PCDHA6: variants seen among roughly 807,000 people sequenced by gnomAD.
The protein encoded by PCDHA6 is protocadherin alpha 6, also known as protocadherin alpha-6.
Under a neutral mutation model 60.3 loss-of-function variants are expected in PCDHA6, and 55 were observed. The observed-to-expected ratio is 0.91, with a 90% CI of 0.73 to 1.14. The LOEUF (loss-of-function observed/expected upper bound fraction) is 1.14. PCDHA6 is among the 50% of genes most tolerant of loss of function. PCDHA6 has a pLI of 0.00. For missense variants in PCDHA6, 1,327 were observed against 1,256.5 expected (o/e 1.06, Z -0.85); for synonymous variants, 652 against 557.9 (o/e 1.17, Z -2.38).
At chr5:141,000,395 CTATATATA>C (rs1190667031) in intron 3 of PCDHA6, among the ~76,000 whole-genome samples, 7 of 53,980 alleles carry the variant, frequency 1.3e-4, no homozygotes, top group South Asian at 8.9e-4. Flanking sequence ...CTCTCTCTCT[CTATATATA>C]TATATATATA....
chr5:140,977,899 C>A (rs1193855952), intron 1 of PCDHA6, among the ~76,000 whole-genome samples: 1 of 152,124 alleles, frequency 6.6e-6, no homozygotes, highest in East Asian at 1.9e-4. Context: ...CAAAATACAA[C>A]TTTTATCCCC....
chr5:140,848,575 G>A lies in PCDHA6; in HGVS notation c.2394+18090G>A, dbSNP rs1554142211. 6 of 1,595,558 alleles carry A rather than the reference G, an allele frequency of 3.8e-6. 1 individual carries two copies. In the East Asian group the frequency reaches 1.3e-4, roughly 36 times the overall value. ...CTGATCCTCGCAATGTGGGTGGTGG[G>A]GAGCGGCCAGCTCCACTACTCCGTC... On this transcript the variant is annotated intron_variant, in intron 1 of 3. Coordinates refer to ENST00000529310, the MANE Select transcript of PCDHA6 (RefSeq NM_018909.4).
rs549880473 is a variant in PCDHA6, at chr5:140,972,926, T to C, written c.2395-6023T>C. Among the ~76,000 whole-genome samples the C allele has an allele frequency of 9.2e-5, 14 of 152,264 alleles. No individual in the cohort carries two copies. The East Asian group carries it at 2.7e-3, about 29-fold the overall frequency. On this transcript the variant is annotated intron_variant, in intron 1 of 3. Coordinates refer to ENST00000529310, the MANE Select transcript of PCDHA6 (RefSeq NM_018909.4). ...ATCCACCCGCCTTGGCCTCCCAAAG[T>C]GCTGGGATTACAGATGTGAGCCACC...
At position 140,892,381 on chromosome 5, in the gene PCDHA6, G is replaced by A. The variant is rs534818455; in HGVS notation, c.2394+61896G>A. Among the ~76,000 whole-genome samples the A allele has an allele frequency of 2.6e-5, 4 of 152,070 alleles. No individual in the cohort carries two copies. The South Asian group carries it at 8.3e-4, about 32-fold the overall frequency. On this transcript the variant is annotated intron_variant, in intron 1 of 3. Coordinates refer to ENST00000529310, the MANE Select transcript of PCDHA6 (RefSeq NM_018909.4). ...GCATCTTGGGGCACTAGCAATCATG[G>A]GTAATCTTAATCTATTTCAAGCTTC...
chr5:140,829,809 C>CTGG lies in PCDHA6; in HGVS notation c.1724_1726dup (p.Gly575dup). 6.2e-7 allele frequency: 1 copy of CTGG among 1,613,854 alleles called. No homozygotes were observed. Among genetic ancestry groups the CTGG allele is most frequent in the African/African-American group, 1.3e-5 (1 of 75,048 alleles). On this transcript the variant is annotated inframe_insertion, in exon 1 of 4. Coordinates refer to ENST00000529310, the MANE Select transcript of PCDHA6 (RefSeq NM_018909.4). ...CTGCTGGCGCCTCGGGTGGGTGGTA[C>CTGG]TGGTGGTGCAGTGAGCGAGCTGGTG...
At position 140,912,557 on chromosome 5, in the gene PCDHA6, A is replaced by T. The variant is rs1220242152; in HGVS notation, c.2395-66392A>T. On this transcript the variant is annotated intron_variant, in intron 1 of 3. Transcript: ENST00000529310. ...GATCATATTGTCAGCAAACAGCAAC[A>T]GTTTTAACTTCCTCTTTTCCAATTT... Among the ~76,000 whole-genome samples the T allele has an allele frequency of 4.6e-5, 7 of 152,154 alleles. No individual in the cohort carries two copies. The South Asian group carries it at 1.5e-3, about 32-fold the overall frequency.
intron 1 of PCDHA6, chr5:140,926,320 C>G (rs555057115): frequency 2.5e-3 from 377 of 152,358 alleles, no homozygotes; most frequent in Non-Finnish European, 3.8e-3. Flanking sequence ...AGAGGTGCGC[C>G]GGGGTCAGAG....
At chr5:140,978,862 T>C (rs750080921) in intron 1 of PCDHA6, 87 bp from the exon 2 acceptor site, 138 of 1,599,976 alleles carry the variant, frequency 8.6e-5, no homozygotes, top group Non-Finnish European at 1.1e-4. Flanking sequence ...CTGGAAATAT[T>C]TAAGGGAGTA....
At chr5:140,967,046 C>G in intron 1 of PCDHA6, 1 of 1,612,334 alleles carries the variant, frequency 6.2e-7, no homozygotes, top group Non-Finnish European at 8.5e-7. Context: ...GGAGCTGGAC[C>G]TGACGAGTGG....
chr5:140,841,992 G>A (rs2150327070), intron 1 of PCDHA6: 8 of 1,613,646 alleles, frequency 5.0e-6, no homozygotes, highest in South Asian at 4.4e-5. Context: ...GAGCTCACAG[G>A]CACTGTTCAG....
chr5:140,908,256 A>G (rs192899359), intron 1 of PCDHA6, among the ~76,000 whole-genome samples: 9 of 152,248 alleles, frequency 5.9e-5, no homozygotes, highest in Non-Finnish European at 1.0e-4. Flanking sequence ...AACTGATCAT[A>G]GGGAACTCCC....
intron 1 of PCDHA6, among the ~76,000 whole-genome samples, chr5:140,915,115 A>T (rs2076990702): frequency 1.3e-5 from 2 of 151,346 alleles, no homozygotes; most frequent in African/African-American, 4.9e-5. Context: ...CACCCACCTA[A>T]TTTTTATATT....
chr5:141,008,633 A>G (rs1212403774), intron 3 of PCDHA6, among the ~76,000 whole-genome samples: 1 of 152,212 alleles, frequency 6.6e-6, no homozygotes, highest in African/African-American at 2.4e-5. Context: ...AGTATAATTA[A>G]CAATTTCTTC....
At chr5:140,930,208 A>G (rs939593947) in intron 1 of PCDHA6, 39 of 152,338 alleles carry the variant, frequency 2.6e-4, no homozygotes, top group African/African-American at 8.2e-4. Flanking sequence ...AGAAATATTT[A>G]TGTGTTCAAA....
rs1417352469 is a variant in PCDHA6 at position 140,875,131 on chromosome 5, G to A, written c.2394+44646G>A. ...AATATCATGTATATTAACTAAACCC[G>A]CATTTATAAATGATCCGTGAAAAAT... On this transcript the variant is annotated intron_variant, in intron 1 of 3. Coordinates refer to ENST00000529310, the MANE Select transcript of PCDHA6 (RefSeq NM_018909.4). Among the ~76,000 whole-genome samples, 5 of 152,228 alleles carry A rather than the reference G, an allele frequency of 3.3e-5. No individual in the cohort carries two copies. The East Asian group carries it at 9.6e-4, about 29-fold the overall frequency.
At chr5:140,874,530 G>T (rs1332198120) in intron 1 of PCDHA6, among the ~76,000 whole-genome samples, 2 of 152,200 alleles carry the variant, frequency 1.3e-5, no homozygotes, top group Admixed American at 6.5e-5. Flanking sequence ...ATGAGATTAG[G>T]CTCCAAAACC....
intron 1 of PCDHA6, among the ~76,000 whole-genome samples, chr5:140,871,971 G>A (rs2053418279): frequency 6.6e-6 from 1 of 152,204 alleles, no homozygotes; most frequent in South Asian, 2.1e-4. Context: ...GTCTTCCTAT[G>A]ATGTCCAGGT....
intron 1 of PCDHA6, chr5:140,850,309 C>G (rs781788388): frequency 6.3e-7 from 1 of 1,596,972 alleles, no homozygotes; most frequent in East Asian, 2.2e-5. Flanking sequence ...GGCTACAACG[C>G]GTGGCTTTCA....
intron 1 of PCDHA6, among the ~76,000 whole-genome samples, chr5:140,920,592 T>C (rs1226483981): frequency 6.6e-6 from 1 of 152,158 alleles, no homozygotes; most frequent in Non-Finnish European, 1.5e-5. Flanking sequence ...ACGCCTGTAA[T>C]CCCAGCACTT....
Sources: gnomAD v4.1 joint callset for allele counts (sites outside exome capture counted in the v4.1 genomes callset) on GRCh38, gnomAD v4.1.1 for gene constraint, MANE v1.5 for transcripts, NCBI Gene and HGNC (gene_info 2026-07-23, HGNC 2026-07-21) for gene names.